Variants in JDP2 observed in about 807,000 individuals in gnomAD.
The protein encoded by JDP2 is progesterone receptor co-activator.
JDP2 carries 9 observed loss-of-function variants against 17.1 expected under a neutral mutation model. The observed-to-expected ratio is 0.53, with a 90% CI of 0.32 to 0.92. JDP2 has a LOEUF of 0.92. Ranked by LOEUF, JDP2 falls within the 40% of genes least tolerant of loss-of-function variation. The pLI is 0.04. For synonymous variants in JDP2, 107 were observed against 95.6 expected, an observed-to-expected ratio of 1.12 and a Z score of -0.69; for missense variants, 179 against 220.0, an observed-to-expected ratio of 0.81 and a Z score of 1.18.
intron 3 of JDP2, among the ~76,000 whole-genome samples, chr14:75,467,682 C>T (rs918769402): frequency 7.9e-5 from 12 of 152,094 alleles, no homozygotes; most frequent in African/African-American, 2.7e-4. Context: ...GACATTGGCA[C>T]CTAACTGCCC....
Position 75,438,123 on chromosome 14 carries a change from T to A in JDP2, c.201+2T>A, listed in dbSNP as rs1267989884. 6.3e-7 allele frequency: 1 copy of A among 1,599,708 alleles called. No homozygotes were observed. Among genetic ancestry groups the A allele is most frequent in the Non-Finnish European group, 8.5e-7 (1 of 1,170,686 alleles). ...AGGCCCCAGCCCGTGAAAAGTGAGG[T>A]GAGCGAGCCTTTTACCCCTGGCAGA... On this transcript the variant is annotated splice_donor_variant, in intron 2 of 3. Transcript: ENST00000651602. LOFTEE classifies it high-confidence loss of function.
chr14:75,438,036 ACATCCG>A lies in JDP2; in HGVS notation c.119_124del (p.Ile40_Arg41del), dbSNP rs1379538116. 5.6e-6 allele frequency: 9 copies of A among 1,613,954 alleles called. No individual in the cohort carries two copies. The highest frequency in any genetic ancestry group is 7.6e-6 in the Non-Finnish European group (9 of 1,179,990). On this transcript the variant is annotated inframe_deletion, in exon 2 of 4. Transcript: ENST00000651602. Reference sequence around the variant, plus strand: ...ACTGTGGAGGAGCTGAAATACGCTGACATCCGCAACCTCGGGGCCATGATTGCACCC... The same window carrying A: ...ACTGTGGAGGAGCTGAAATACGCTGACAACCTCGGGGCCATGATTGCACCC...
chr14:75,427,888 C>G (rs1320936599), upstream of JDP2: 1 of 151,984 alleles, frequency 6.6e-6, no homozygotes, highest in Non-Finnish European at 1.5e-5. The surrounding 1 kb of genome is among the most constrained non-coding windows in gnomAD (Gnocchi z 4.4). Context: ...ACCCCCTCCT[C>G]CCCGGTCCCC....
rs1886711045 is a variant in JDP2, at chr14:75,469,337, T to C, written c.354T>C (p.Ile118=). 2 of 1,614,026 alleles carry C rather than the reference T, an allele frequency of 1.2e-6. No individual in the cohort carries two copies. Among genetic ancestry groups the C allele is most frequent in the Non-Finnish European group, 1.7e-6 (2 of 1,179,984 alleles). ...TGAACGCAGAGCTGAAGACCCAGAT[T>C]GAGGAGCTGAAGCAGGAGCGGCAGC... is the stretch of plus-strand genomic sequence containing the variant. ...ELMNAELKTQ[I]EELKQERQQL... Residue 118 remains isoleucine (I), a synonymous_variant, in exon 4 of 4, where the codon ATT becomes ATC. Transcript: ENST00000651602.
intron 1 of JDP2, among the ~76,000 whole-genome samples, 169 bp from the exon 2 acceptor site, chr14:75,437,729 T>G (rs922925584): frequency 1.3e-4 from 20 of 152,218 alleles, no homozygotes; most frequent in African/African-American, 4.8e-4. Flanking sequence ...ATTGAGCAAC[T>G]TTTCCTCTAT....
chr14:75,462,386 A>G (rs1886380525), intron 3 of JDP2, among the ~76,000 whole-genome samples: 1 of 152,218 alleles, frequency 6.6e-6, no homozygotes, highest in African/African-American at 2.4e-5. Flanking sequence ...GTACACAGTA[A>G]CTAACAATAG....
At position 75,469,716 on chromosome 14, in the gene JDP2, G is replaced by A; in HGVS notation, c.*241G>A. The A allele has an allele frequency of 2.0e-6, 1 of 494,092 alleles. No homozygotes were observed. The highest frequency in any genetic ancestry group is 2.5e-5 in the South Asian group (1 of 40,022). 30.6% of individuals were successfully genotyped at this position (494,092 alleles called of 1,614,324 possible). On this transcript the variant is annotated 3_prime_UTR_variant, in exon 4 of 4. Transcript: ENST00000651602. ...GAGACCAAAGTTGACCCTCGGGTAG[G>A]GTTGTCCTGCCTGGGGCCCCACTTG...
chr14:75,453,477 G>C (rs550824986), intron 2 of JDP2, among the ~76,000 whole-genome samples: 1 of 152,318 alleles, frequency 6.6e-6, no homozygotes, highest in South Asian at 2.1e-4. Flanking sequence ...CATTCTGCCC[G>C]GAGGCAGGCC....
chr14:75,442,077 G>A (rs909220), intron 2 of JDP2, among the ~76,000 whole-genome samples: 77,088 of 151,706 alleles, frequency 0.51, 20,460 homozygotes, highest in African/African-American at 0.67. Flanking sequence ...TTCAAGGGAG[G>A]CTAAACTGGA....
chr14:75,429,384 G>A (rs748950410), intron 1 of JDP2, among the ~76,000 whole-genome samples: 1 of 152,164 alleles, frequency 6.6e-6, no homozygotes, highest in African/African-American at 2.4e-5. Flanking sequence ...GTGTACCCAG[G>A]CTTAAATCTT....
At position 75,437,797 on chromosome 14, in the gene JDP2, C is replaced by T; in HGVS notation, c.-23-101C>T. On this transcript the variant is annotated intron_variant, in intron 1 of 3. Transcript: ENST00000651602. ...TGGGTGGGAAAGGGATTCAGGGGAA[C>T]ATTGGTGAAAGAAGCCACAGTCCTG... is the stretch of plus-strand genomic sequence containing the variant. 5.4e-6 allele frequency: 4 copies of T among 743,344 alleles called. No homozygotes were observed. The South Asian group carries it at 8.3e-5, about 15-fold the overall frequency. The allele number at this position is 743,344 out of a possible 1,614,324, so 46.0% of individuals were successfully genotyped here.
At chr14:75,457,183 C>T (rs1886151051) in intron 2 of JDP2, among the ~76,000 whole-genome samples, 1 of 152,258 alleles carries the variant, frequency 6.6e-6, no homozygotes, top group African/African-American at 2.4e-5. Context: ...ATCATTATCA[C>T]CCAGTTTGGG....
rs76343259 is a variant in JDP2, at chr14:75,469,464, G to A, written c.481G>A (p.Glu161Lys). The change falls in exon 4 of 4, where the codon GAG (glutamate) becomes AAG (lysine). Residue 161 changes from glutamate to lysine, a missense_variant. Physicochemically the swap from Glu to Lys is moderately conservative, Grantham distance 56. Coordinates refer to ENST00000651602, the MANE Select transcript of JDP2 (RefSeq NM_001135048.2). ...SEGNPLLEQLEKK is the reference protein window; with the variant it reads ...SEGNPLLEQLKKK ...AGGCAACCCACTGCTCGAGCAGCTCGAGAAGAAGTGACCATGGGCTGGGAG... is the reference window on the plus strand; with the variant it reads ...AGGCAACCCACTGCTCGAGCAGCTCAAGAAGAAGTGACCATGGGCTGGGAG... The A allele has an allele frequency of 1.4e-4, 227 of 1,613,450 alleles. 1 individual carries two copies. The African/African-American group carries it at 2.6e-3, about 19-fold the overall frequency.
chr14:75,460,307 A>T (rs955321676), intron 2 of JDP2, among the ~76,000 whole-genome samples: 1 of 152,174 alleles, frequency 6.6e-6, no homozygotes, highest in Non-Finnish European at 1.5e-5. Flanking sequence ...GCTCTCCCAC[A>T]GGTGGGCATC....
At chr14:75,433,544 G>GA (rs1884915640) in intron 1 of JDP2, among the ~76,000 whole-genome samples, 1 of 127,734 alleles carries the variant, frequency 7.8e-6, no homozygotes, top group African/African-American at 3.9e-5. Context: ...ACAGCTCTCA[G>GA]ACCTTTTTTT....
intron 1 of JDP2, among the ~76,000 whole-genome samples, chr14:75,434,884 CT>C (rs139501156): frequency 0.014 from 2,097 of 152,266 alleles, 43 homozygotes; most frequent in African/African-American, 0.047. Flanking sequence ...GAATTTTGCT[CT>C]GCTGTGAATT....
At chr14:75,455,448 C>T (rs1886059200) in intron 2 of JDP2, among the ~76,000 whole-genome samples, 1 of 152,182 alleles carries the variant, frequency 6.6e-6, no homozygotes, top group African/African-American at 2.4e-5. Flanking sequence ...GTTTGCCTAT[C>T]AGATCCATTC....
Position 75,466,183 on chromosome 14 carries a change from G to A in JDP2, c.307-3107G>A, listed in dbSNP as rs190419640. Among the ~76,000 whole-genome samples, 28 of 152,360 alleles carry A rather than the reference G, an allele frequency of 1.8e-4. No individual in the cohort carries two copies. In the East Asian group the frequency reaches 4.8e-3, roughly 26 times the overall value. Reference sequence around the variant, plus strand: ...TGGCTGGGCGCGGTGGCTCATGCCTGTAATCCCAGCACTTTGGGAGGCCGA... The same window carrying A: ...TGGCTGGGCGCGGTGGCTCATGCCTATAATCCCAGCACTTTGGGAGGCCGA... On this transcript the variant is annotated intron_variant, in intron 3 of 3. Transcript: ENST00000651602.
intron 2 of JDP2, among the ~76,000 whole-genome samples, chr14:75,448,551 A>T (rs999475028): frequency 2.0e-5 from 3 of 152,202 alleles, no homozygotes; most frequent in African/African-American, 7.2e-5. Flanking sequence ...GCCATTGGAT[A>T]CTCATTAATG....
Sources: gnomAD v4.1 joint callset for allele counts (sites outside exome capture counted in the v4.1 genomes callset) on GRCh38, gnomAD v4.1.1 for gene constraint, Gnocchi (gnomAD v3.1) non-coding constraint, MANE v1.5 for transcripts, NCBI Gene and HGNC (gene_info 2026-07-23, HGNC 2026-07-21) for gene names.